The following UNC13C variants were observed in gnomAD, a reference collection of about 807,000 sequenced individuals.
UNC13C encodes protein unc-13 homolog C.
A neutral mutation model predicts 245.4 loss-of-function variants in UNC13C; 174 were observed. The observed-to-expected ratio is 0.71, with a 90% CI of 0.63 to 0.80. The LOEUF (loss-of-function observed/expected upper bound fraction) is 0.80, where lower values mean the gene tolerates loss of function less well. Ranked by LOEUF, UNC13C falls within the 30% of genes least tolerant of loss-of-function variation. The probability of loss-of-function intolerance (pLI) is 0.00; values close to 1 mark genes in which losing one functional copy is unlikely to be tolerated. For synonymous variants in UNC13C, 992 were observed against 895.1 expected (o/e 1.11, Z -1.93); for missense variants, 2,829 against 2,602.9 (o/e 1.09, Z -1.89).
rs1194080459 is a variant in UNC13C at position 54,014,717 on chromosome 15, A to G, written c.1814A>G (p.His605Arg). ...CTGTATGACAGTCCCAAGGACCAGC[A>G]TTTGAATGGAGGTGTTCAGGGTATC... Reference protein sequence around the residue: ...ATLYDSPKDQHLNGGVQGIQG... With the variant: ...ATLYDSPKDQRLNGGVQGIQG... The change falls in exon 2 of 33, where the codon CAT (histidine) becomes CGT (arginine). Residue 605 changes from histidine to arginine, a missense_variant. His to Arg is a conservative substitution (Grantham distance 29). Coordinates refer to ENST00000260323, the MANE Select transcript of UNC13C (RefSeq NM_001080534.3). 4 of 1,613,742 alleles carry G rather than the reference A, an allele frequency of 2.5e-6. No homozygotes were observed. The highest frequency in any genetic ancestry group is 1.3e-5 in the African/African-American group (1 of 74,912).
rs145653203 is a variant in UNC13C, at chr15:54,298,778, T to C, written c.4104+852T>C. 2.0e-5 allele frequency among the ~76,000 whole-genome samples: 3 copies of C among 152,306 alleles called. No homozygotes were observed. The East Asian group carries it at 5.8e-4, about 29-fold the overall frequency. On this transcript the variant is annotated intron_variant, in intron 12 of 32. Transcript: ENST00000260323. ...TGATGCAAATGATACTTGTCTCATA[T>C]CAAAAAATAGGTGAAGCTGAGGAAT... is the stretch of plus-strand genomic sequence containing the variant.
intron 2 of UNC13C, among the ~76,000 whole-genome samples, chr15:54,106,984 T>C (rs1284954143): frequency 6.6e-6 from 1 of 152,254 alleles, no homozygotes; most frequent in Non-Finnish European, 1.5e-5. Flanking sequence ...AAAGTGAAGT[T>C]ACATTCCTGA....
intron 30 of UNC13C, among the ~76,000 whole-genome samples, chr15:54,570,954 C>G (rs149093602): frequency 1.3e-5 from 2 of 152,240 alleles, no homozygotes; most frequent in East Asian, 3.9e-4. Flanking sequence ...AAGTGCTATA[C>G]AATTCTTTGA....
intron 19 of UNC13C, among the ~76,000 whole-genome samples, chr15:54,462,179 T>G (rs945131108): frequency 2.6e-5 from 4 of 152,152 alleles, no homozygotes; most frequent in Non-Finnish European, 5.9e-5. Context: ...AAAGAGAGAC[T>G]ACAATCATGA....
chr15:54,422,799 A>G (rs1371843571), intron 19 of UNC13C, among the ~76,000 whole-genome samples: 1 of 151,834 alleles, frequency 6.6e-6, no homozygotes. Flanking sequence ...TTTTCTCCCC[A>G]AAACACTTAT....
intron 4 of UNC13C, among the ~76,000 whole-genome samples, chr15:54,201,119 T>C (rs767623952): frequency 6.6e-6 from 1 of 151,906 alleles, no homozygotes; most frequent in Non-Finnish European, 1.5e-5. Context: ...ACCAGGAAGA[T>C]ATAGAATCTC....
Position 54,038,099 on chromosome 15 carries a change from CAT to C in UNC13C, c.2983+22238_2983+22239del, listed in dbSNP as rs1399556197. ...ATATGTGTGTGTGTATATACATATA[CAT>C]ATATATATATATATATATATATATT... is the stretch of plus-strand genomic sequence containing the variant. On this transcript the variant is annotated intron_variant, in intron 2 of 32. Transcript: ENST00000260323. Among the ~76,000 whole-genome samples, 436 of 67,120 alleles carry C rather than the reference CAT, an allele frequency of 6.5e-3. 17 individuals are homozygous for C. Among genetic ancestry groups the C allele is most frequent in the Non-Finnish European group, 7.7e-3 (310 of 40,470 alleles). 44.0% of individuals were successfully genotyped at this position (67,120 alleles called of 152,430 possible).
intron 1 of UNC13C, among the ~76,000 whole-genome samples, chr15:53,987,287 T>C (rs1285411430): frequency 6.6e-6 from 1 of 152,062 alleles, no homozygotes; most frequent in Non-Finnish European, 1.5e-5. Context: ...TTTATTTAGC[T>C]TGGGAGGTAG....
intron 20 of UNC13C, among the ~76,000 whole-genome samples, chr15:54,497,885 G>A (rs1378187461): frequency 6.6e-6 from 1 of 152,090 alleles, no homozygotes; most frequent in Non-Finnish European, 1.5e-5. Context: ...TAATGACAAA[G>A]TGGAAATAGA....
intron 1 of UNC13C, among the ~76,000 whole-genome samples, chr15:53,981,143 G>A (rs983463439): frequency 2.0e-5 from 3 of 152,080 alleles, no homozygotes; most frequent in African/African-American, 7.2e-5. Context: ...GATTCTCCAG[G>A]CACTTTCATT....
the UNC13C span, among the ~76,000 whole-genome samples, chr15:53,865,312 A>G: frequency 1.3e-5 from 2 of 152,162 alleles, no homozygotes; most frequent in Non-Finnish European, 2.9e-5. Flanking sequence ...GGGAGGCTTA[A>G]GCAGCTGAAA....
intron 2 of UNC13C, among the ~76,000 whole-genome samples, chr15:54,046,940 G>A (rs1014359106): frequency 1.3e-5 from 2 of 151,902 alleles, no homozygotes; most frequent in Non-Finnish European, 2.9e-5. Flanking sequence ...AGGGGTAAGA[G>A]ACACAATCCC....
intron 4 of UNC13C, among the ~76,000 whole-genome samples, chr15:54,148,358 T>C (rs1052655468): frequency 2.0e-5 from 3 of 152,204 alleles, no homozygotes; most frequent in African/African-American, 7.2e-5. Context: ...TTTCTTAAAT[T>C]TACCTTAATT....
intron 19 of UNC13C, among the ~76,000 whole-genome samples, chr15:54,479,157 T>C (rs940538650): frequency 3.9e-5 from 6 of 152,104 alleles, no homozygotes; most frequent in Non-Finnish European, 7.4e-5. Context: ...TCTGCAGTGC[T>C]TCAATAATCA....
intron 19 of UNC13C, among the ~76,000 whole-genome samples, chr15:54,480,704 A>G (rs4774697): frequency 0.41 from 62,713 of 151,840 alleles, 13,214 homozygotes; most frequent in East Asian, 0.62. Flanking sequence ...TAAGTATTTC[A>G]TATATTTCCT....
At chr15:54,393,792 C>T (rs1202743622) in intron 18 of UNC13C, among the ~76,000 whole-genome samples, 1 of 151,720 alleles carries the variant, frequency 6.6e-6, no homozygotes, top group East Asian at 1.9e-4. Context: ...TATCTAATTT[C>T]CCTGGGTCTC....
intron 4 of UNC13C, among the ~76,000 whole-genome samples, chr15:54,215,165 C>T (rs2035002571): frequency 6.9e-6 from 1 of 144,576 alleles, no homozygotes; most frequent in African/African-American, 2.5e-5. Flanking sequence ...CTAGAAGGTA[C>T]ATATTGTAAT....
intron 17 of UNC13C, among the ~76,000 whole-genome samples, chr15:54,352,977 G>A (rs2039017548): frequency 6.6e-6 from 1 of 152,080 alleles, no homozygotes; most frequent in African/African-American, 2.4e-5. Flanking sequence ...CTTTGGCAAT[G>A]GTGAAAATGG....
chr15:54,217,233 ACT>A (rs138936832), intron 4 of UNC13C, among the ~76,000 whole-genome samples: 8,459 of 151,750 alleles, frequency 0.056, 818 homozygotes, highest in African/African-American at 0.19. Context: ...CATCTGTGAG[ACT>A]CTTGTCTGAT....
Sources: gnomAD v4.1 joint callset for allele counts (sites outside exome capture counted in the v4.1 genomes callset) on GRCh38, gnomAD v4.1.1 for gene constraint, MANE v1.5 for transcripts, NCBI Gene and HGNC (gene_info 2026-07-23, HGNC 2026-07-21) for gene names.